The following DUSP11 variants were observed in gnomAD, a reference collection of about 807,000 sequenced individuals.
DUSP11 encodes dual specificity phosphatase 11.
DUSP11 carries 27 observed loss-of-function variants against 41.4 expected under a neutral mutation model. The ratio of observed to expected loss-of-function variants is 0.65; its 90% CI spans 0.48 to 0.90. The LOEUF is 0.90. DUSP11 is among the 40% of genes least tolerant of loss of function. The pLI, the probability that DUSP11 is intolerant of heterozygous loss-of-function variation, is 0.00. For synonymous variants in DUSP11, 188 were observed against 159.3 expected, an observed-to-expected ratio of 1.18 and a Z score of -1.35; for missense variants, 465 against 461.1, an observed-to-expected ratio of 1.01 and a Z score of -0.08.
intron 1 of DUSP11, among the ~76,000 whole-genome samples, chr2:73,779,093 G>C (rs1672742207): frequency 6.6e-6 from 1 of 152,252 alleles, no homozygotes; most frequent in Non-Finnish European, 1.5e-5. Flanking sequence ...GGAGGTTGCA[G>C]TGAGCCGAGA....
rs749876793 is a variant in DUSP11, at chr2:73,780,111, C to T, written c.5G>A (p.Arg2His). Residue 2 changes from arginine (R) to histidine (H), a missense_variant, in exon 1 of 9, where the codon CGC (arginine) becomes CAC (histidine). Arg to His is a conservative substitution (Grantham distance 29). Transcript: ENST00000272444. ...GCCGCGCTCCAGCGTCTCGCTATTG[C>T]GCATGTGCCACCGCCGGTCGTGATG... 6.4e-7 allele frequency: 1 copy of T among 1,557,594 alleles called. No individual in the cohort carries two copies. Among genetic ancestry groups the T allele is most frequent in the Admixed American group, 1.9e-5 (1 of 51,484 alleles).
At position 73,780,025 on chromosome 2, in the gene DUSP11, G is replaced by A. The variant is rs371062533; in HGVS notation, c.91C>T (p.Leu31=). ...AATGCCAAGTCGGCCAAAAGCGCCAGTCCGGCGCCCTCAATGCCAGGATAA... is the reference window on the plus strand; with the variant it reads ...AATGCCAAGTCGGCCAAAAGCGCCAATCCGGCGCCCTCAATGCCAGGATAA... The change falls in exon 1 of 9, where the codon CTG becomes TTG. Residue 31 remains leucine, a synonymous_variant. Coordinates refer to ENST00000272444, the Ensembl canonical transcript of DUSP11. 86 of 1,613,964 alleles carry A rather than the reference G, an allele frequency of 5.3e-5. 2 individuals are homozygous for A. The highest frequency in any genetic ancestry group is 6.3e-5 in the Non-Finnish European group (74 of 1,179,976).
At chr2:73,779,720 C>T in intron 1 of DUSP11, 154 bp downstream of exon 1, 1 of 1,152,314 alleles carries the variant, frequency 8.7e-7, no homozygotes, top group African/African-American at 1.6e-5. Context: ...CTTTCAGCTA[C>T]AGCGGGTGGC....
exon 4 of DUSP11, chr2:73,773,838 T>C: frequency 6.2e-7 from 1 of 1,608,026 alleles, no homozygotes; most frequent in South Asian, 1.1e-5. Context: ...ATTAACAGCG[T>C]GTTTGAATTT....
Position 73,767,024 on chromosome 2 carries a change from T to C in DUSP11, c.683-121A>G, listed in dbSNP as rs1253181102. ...ATCTCACTACTTCCACATACATCTA[T>C]AGACTTTTGGCAAGACTATCTTATA... On this transcript the variant is annotated intron_variant, in intron 6 of 8. Coordinates refer to ENST00000272444, the Ensembl canonical transcript of DUSP11. 5.7e-6 allele frequency: 7 copies of C among 1,223,708 alleles called. No individual in the cohort carries two copies. The East Asian group carries it at 7.0e-5, about 12-fold the overall frequency. 75.8% of individuals were successfully genotyped at this position (1,223,708 alleles called of 1,614,324 possible). A position where few individuals can be genotyped will look rare whatever the true frequency, so the allele number is the denominator to read the frequency against.
chr2:73,767,467 G>A (rs1672487665), intron 5 of DUSP11: 2 of 321,602 alleles, frequency 6.2e-6, no homozygotes, highest in East Asian at 5.4e-5. Context: ...CAAAAGGAAA[G>A]AAAATGCAGA....
At chr2:73,774,127 T>C (rs1250556472) in intron 3 of DUSP11, among the ~76,000 whole-genome samples, 1 of 152,214 alleles carries the variant, frequency 6.6e-6, no homozygotes, top group Non-Finnish European at 1.5e-5. Flanking sequence ...TAAAACTACA[T>C]AATAGATAGT....
At chr2:73,773,430 C>T in intron 4 of DUSP11, 1 of 347,910 alleles carries the variant, frequency 2.9e-6, no homozygotes, top group Non-Finnish European at 5.6e-6. Flanking sequence ...TAATCTTTGC[C>T]CTTTCTTGTC....
At chr2:73,763,056 G>A (rs1425361791) in intron 8 of DUSP11, among the ~76,000 whole-genome samples, 197 bp from the exon 9 acceptor site, 3 of 151,670 alleles carry the variant, frequency 2.0e-5, no homozygotes, top group African/African-American at 7.3e-5. Context: ...TATAAAATGG[G>A]GCTAATAATA....
intron 8 of DUSP11, among the ~76,000 whole-genome samples, chr2:73,763,836 T>C (rs1044396513): frequency 3.3e-5 from 5 of 152,232 alleles, no homozygotes; most frequent in African/African-American, 1.2e-4. Context: ...TTTGTTCTTT[T>C]CCCCAGCATC....
intron 4 of DUSP11, 139 bp downstream of exon 4, chr2:73,773,661 T>C: frequency 1.2e-6 from 1 of 845,344 alleles, no homozygotes; most frequent in African/African-American, 1.7e-5. Flanking sequence ...CATCTTACCC[T>C]ATTAGCACCA....
intron 4 of DUSP11, among the ~76,000 whole-genome samples, chr2:73,769,754 T>C (rs1043484591): frequency 4.6e-5 from 7 of 152,228 alleles, no homozygotes; most frequent in African/African-American, 1.7e-4. Context: ...CCCGAAGAGC[T>C]TCTATTCCTT....
intron 4 of DUSP11, among the ~76,000 whole-genome samples, chr2:73,772,293 T>C (rs1356474299): frequency 4.6e-5 from 7 of 152,254 alleles, no homozygotes; most frequent in African/African-American, 2.4e-5. Context: ...CTACTAGTTC[T>C]AGAAGCGAGT....
intron 3 of DUSP11, 85 bp from the exon 4 acceptor site, chr2:73,774,008 C>A: frequency 8.4e-7 from 1 of 1,189,172 alleles, no homozygotes; most frequent in Non-Finnish European, 1.2e-6. Flanking sequence ...AGAATATAAG[C>A]CAAGAGATTA....
chr2:73,770,885 C>T (rs1672560770), intron 4 of DUSP11, among the ~76,000 whole-genome samples: 1 of 152,194 alleles, frequency 6.6e-6, no homozygotes, highest in African/African-American at 2.4e-5. Flanking sequence ...ACTCCAGCCA[C>T]ACTCGGCTCT....
At chr2:73,770,592 C>T (rs1009075560) in intron 4 of DUSP11, among the ~76,000 whole-genome samples, 3 of 152,016 alleles carry the variant, frequency 2.0e-5, no homozygotes, top group African/African-American at 7.2e-5. Flanking sequence ...AATCTCCCTA[C>T]TTCTATCTCA....
intron 8 of DUSP11, among the ~76,000 whole-genome samples, chr2:73,765,307 C>T (rs1672440579): frequency 2.6e-5 from 4 of 152,228 alleles, no homozygotes; most frequent in Non-Finnish European, 5.9e-5. Flanking sequence ...GAACTCCAGG[C>T]TTCATGGCCT....
intron 8 of DUSP11, among the ~76,000 whole-genome samples, chr2:73,763,574 T>C (rs1176728673): frequency 1.2e-4 from 19 of 152,006 alleles, no homozygotes; most frequent in Admixed American, 1.2e-3. Context: ...AAATACAAAG[T>C]TAGCCAGGTG....
At chr2:73,771,660 ATT>A (rs34330062) in intron 4 of DUSP11, among the ~76,000 whole-genome samples, 1 of 134,910 alleles carries the variant, frequency 7.4e-6, no homozygotes. Flanking sequence ...TGCCTGGGTT[ATT>A]TTTTTTTTTT....
Sources: gnomAD v4.1 joint callset for allele counts (sites outside exome capture counted in the v4.1 genomes callset) on GRCh38, gnomAD v4.1.1 for gene constraint, MANE v1.5 for transcripts, NCBI Gene and HGNC (gene_info 2026-07-23, HGNC 2026-07-21) for gene names.